The following RAPGEF6 variants were observed in gnomAD, a reference collection of about 807,000 sequenced individuals.
The protein encoded by RAPGEF6 is PDZ domain containing guanine nucleotide exchange factor (GEF) 2.
In RAPGEF6, 56 loss-of-function variants were observed where a neutral mutation model predicts 171.4. That is an observed-to-expected ratio of 0.33 (90% CI 0.26 to 0.41). The LOEUF is 0.41. RAPGEF6 is among the 10% of genes least tolerant of loss of function. The probability of loss-of-function intolerance (pLI) is 1.00; values close to 1 mark genes in which losing one functional copy is unlikely to be tolerated. For synonymous variants in RAPGEF6, 692 were observed against 650.1 expected, an observed-to-expected ratio of 1.06 and a Z score of -0.98; for missense variants, 1,674 against 1,921.4, an observed-to-expected ratio of 0.87 and a Z score of 2.41.
intron 6 of RAPGEF6, among the ~76,000 whole-genome samples, chr5:131,536,466 C>G (rs1345247861): frequency 2.0e-5 from 3 of 152,124 alleles, no homozygotes; most frequent in African/African-American, 7.2e-5. Context: ...CTCTTTTATT[C>G]TCTTGTAAGA....
chr5:131,476,706 A>G (rs2149852904), intron 16 of RAPGEF6, among the ~76,000 whole-genome samples: 1 of 152,100 alleles, frequency 6.6e-6, no homozygotes, highest in African/African-American at 2.4e-5. Flanking sequence ...TAGTTTTTTT[A>G]TTTTTGGTAG....
chr5:131,556,356 G>A (rs531811133), intron 5 of RAPGEF6, among the ~76,000 whole-genome samples: 48 of 152,042 alleles, frequency 3.2e-4, no homozygotes, highest in East Asian at 1.2e-3. Context: ...GCAGTGAGCC[G>A]AGATCATGCC....
intron 21 of RAPGEF6, chr5:131,447,118 T>C (rs557621664): frequency 8.4e-4 from 139 of 165,096 alleles, no homozygotes; most frequent in South Asian, 5.1e-3. Context: ...ATGAGGGTTC[T>C]AAAGTAGTTT....
rs751359024 is a variant in RAPGEF6 at position 131,453,109 on chromosome 5, G to C, written c.3145C>G (p.Gln1049Glu). The change falls in exon 21 of 28, where the codon CAA becomes GAA. Residue 1049 changes from glutamine to glutamate, a missense_variant. By Grantham distance (29) the Gln-to-Glu change is conservative. Transcript: ENST00000509018. ...TTAGCAGAAGTCATTCGAACAACTT[G>C]GCGGATTTCCTTGGAAATCATTCTT... ...KLRMISKEIR[Q>E]VVRMTSANMD... 7 of 1,613,838 alleles carry C rather than the reference G, an allele frequency of 4.3e-6. No individual in the cohort carries two copies. The highest frequency in any genetic ancestry group is 2.2e-5 in the South Asian group (2 of 91,034).
chr5:131,613,388 C>A (rs987670998), intron 1 of RAPGEF6, among the ~76,000 whole-genome samples: 31 of 151,986 alleles, frequency 2.0e-4, no homozygotes, highest in African/African-American at 6.8e-4. Flanking sequence ...CCAGCCTGGG[C>A]GACACAGCGA....
At chr5:131,557,972 T>C (rs779378201) in intron 5 of RAPGEF6, among the ~76,000 whole-genome samples, 9 of 152,176 alleles carry the variant, frequency 5.9e-5, no homozygotes, top group Non-Finnish European at 1.3e-4. Context: ...TGCTTTTGTA[T>C]AATGCCCTTG....
rs192240622 is a variant in RAPGEF6, at chr5:131,541,859, C to T, written c.495+6188G>A. ...GTCCTGGAGATTGTTTTGGGCTAAACGAATGGCCTTGCTAACTACTATCAG... is the reference window on the plus strand; with the variant it reads ...GTCCTGGAGATTGTTTTGGGCTAAATGAATGGCCTTGCTAACTACTATCAG... On this transcript the variant is annotated intron_variant, in intron 6 of 27. Coordinates refer to ENST00000509018, the MANE Select transcript of RAPGEF6 (RefSeq NM_016340.6). Among the ~76,000 whole-genome samples, 46 of 152,266 alleles carry T rather than the reference C, an allele frequency of 3.0e-4. 2 individuals are homozygous for T. In the East Asian group the frequency reaches 3.3e-3, roughly 11 times the overall value.
intron 7 of RAPGEF6, among the ~76,000 whole-genome samples, chr5:131,513,289 T>C (rs1757862387): frequency 6.6e-6 from 1 of 152,226 alleles, no homozygotes; most frequent in South Asian, 2.1e-4. Context: ...CAGTATTTTC[T>C]ACACAATTTA....
intron 1 of RAPGEF6, among the ~76,000 whole-genome samples, chr5:131,612,624 T>G (rs1449711033): frequency 6.6e-6 from 1 of 152,110 alleles, no homozygotes; most frequent in African/African-American, 2.4e-5. Flanking sequence ...TGCTTGTAAT[T>G]TTTGACAAGA....
intron 3 of RAPGEF6, among the ~76,000 whole-genome samples, chr5:131,600,857 T>C (rs1764198592): frequency 6.6e-6 from 1 of 151,616 alleles, no homozygotes. Context: ...TTCGCAATCA[T>C]GAAGAAAGGA....
At chr5:131,464,788 T>C (rs550261042) in intron 17 of RAPGEF6, among the ~76,000 whole-genome samples, 30 of 152,310 alleles carry the variant, frequency 2.0e-4, no homozygotes, top group South Asian at 6.2e-4. Context: ...AAAAACAGAA[T>C]TGCTGAATTA....
chr5:131,524,557 G>A (rs115388563), intron 6 of RAPGEF6, among the ~76,000 whole-genome samples: 9 of 151,198 alleles, frequency 6.0e-5, no homozygotes, highest in African/African-American at 1.9e-4. Flanking sequence ...ATAGATGGGA[G>A]AGGGAGAGGG....
At chr5:131,489,395 C>A in intron 15 of RAPGEF6, 151 bp downstream of exon 15, 1 of 592,936 alleles carries the variant, frequency 1.7e-6, no homozygotes, top group Non-Finnish European at 3.0e-6. Context: ...TTCTAGAATA[C>A]ATAATAGTTC....
At chr5:131,490,169 A>C (rs1756186261) in intron 14 of RAPGEF6, among the ~76,000 whole-genome samples, 1 of 152,174 alleles carries the variant, frequency 6.6e-6, no homozygotes, top group Admixed American at 6.5e-5. Flanking sequence ...AACACTGCTG[A>C]CCCTTCACAA....
intron 17 of RAPGEF6, among the ~76,000 whole-genome samples, chr5:131,468,554 G>A (rs1450716220): frequency 1.0e-5 from 1 of 97,632 alleles, no homozygotes; most frequent in Non-Finnish European, 2.2e-5. Context: ...CTAAAAATGG[G>A]AGAACTTTTA....
At chr5:131,612,994 C>A in intron 1 of RAPGEF6, among the ~76,000 whole-genome samples, 1 of 152,088 alleles carries the variant, frequency 6.6e-6, no homozygotes, top group Non-Finnish European at 1.5e-5. Context: ...TCTGAAAAGC[C>A]CCTCCTCAAA....
chr5:131,523,339 A>G (rs1758637712), intron 6 of RAPGEF6, among the ~76,000 whole-genome samples: 1 of 146,362 alleles, frequency 6.8e-6, no homozygotes, highest in Non-Finnish European at 1.5e-5. Flanking sequence ...AAATGTAAAA[A>G]TCATTCTTAG....
intron 18 of RAPGEF6, 30 bp from the exon 19 acceptor site, chr5:131,462,118 T>A: frequency 1.5e-6 from 2 of 1,361,638 alleles, no homozygotes; most frequent in Non-Finnish European, 9.6e-7. Context: ...TAAATAAATG[T>A]ATTCATAAAT....
chr5:131,606,931 G>A (rs1422870), intron 1 of RAPGEF6, among the ~76,000 whole-genome samples: 1 of 151,924 alleles, frequency 6.6e-6, no homozygotes, highest in Admixed American at 6.6e-5. Context: ...GAGGCTCTAC[G>A]GGGTAAAAGC....
Sources: allele counts gnomAD v4.1 joint callset (sites outside exome capture counted in the v4.1 genomes callset), GRCh38; gene constraint gnomAD v4.1.1; transcripts MANE v1.5; gene names NCBI Gene and HGNC (gene_info 2026-07-23, HGNC 2026-07-21).